The following CGNL1 variants were observed in gnomAD, a reference collection of about 807,000 sequenced individuals.
The protein encoded by CGNL1 is cingulin-like protein 1.
CGNL1 carries 132 observed loss-of-function variants against 141.2 expected under a neutral mutation model. The ratio of observed to expected loss-of-function variants is 0.93; its 90% CI spans 0.81 to 1.08. The LOEUF is 1.08. CGNL1 is among the 50% of genes least tolerant of loss of function. The pLI, the probability that CGNL1 is intolerant of heterozygous loss-of-function variation, is 0.00. For synonymous variants in CGNL1, 690 were observed against 622.1 expected (o/e 1.11, Z -1.63); for missense variants, 1,870 against 1,588.6 (o/e 1.18, Z -3.01).
intron 8 of CGNL1, among the ~76,000 whole-genome samples, chr15:57,478,673 C>G (rs1363655574): frequency 5.9e-5 from 9 of 152,194 alleles, no homozygotes; most frequent in African/African-American, 1.9e-4. Flanking sequence ...GAGTCTCGCA[C>G]TGTCACCCAG....
intron 7 of CGNL1, among the ~76,000 whole-genome samples, chr15:57,458,178 G>A (rs1438770681): frequency 2.0e-5 from 3 of 152,110 alleles, no homozygotes; most frequent in Admixed American, 6.5e-5. Context: ...TCTAGCTCTC[G>A]CCACTCCCAG....
At chr15:57,457,041 C>T (rs187828040) in intron 7 of CGNL1, among the ~76,000 whole-genome samples, 146 of 152,172 alleles carry the variant, frequency 9.6e-4, no homozygotes, top group African/African-American at 3.3e-3. Flanking sequence ...TCTCACCAGC[C>T]GTGTGATGCT....
At chr15:57,546,459 C>G (rs2032873837) in intron 18 of CGNL1, among the ~76,000 whole-genome samples, 2 of 152,214 alleles carry the variant, frequency 1.3e-5, no homozygotes, top group South Asian at 4.1e-4. Flanking sequence ...TGCCCCAATG[C>G]CAGCTGAGCT....
chr15:57,439,080 G>C lies in CGNL1; in HGVS notation c.1081G>C (p.Asp361His), dbSNP rs2063148364. The change falls in exon 2 of 19, where the codon GAT becomes CAT. Residue 361 changes from aspartate to histidine, a missense_variant. Coordinates refer to ENST00000281282, the MANE Select transcript of CGNL1 (RefSeq NM_032866.5). ...PGVDQLIEKF[D>H]QKPGLQRRGR... ...TGTGGATCAGTTAATTGAAAAATTT[G>C]ATCAAAAACCTGGGCTTCAGAGAAG... 5 of 1,613,774 alleles carry C rather than the reference G, an allele frequency of 3.1e-6. No individual in the cohort carries two copies. Among genetic ancestry groups the C allele is most frequent in the Non-Finnish European group, 4.2e-6 (5 of 1,179,914 alleles).
At chr15:57,401,479 C>T (rs865876335) in intron 1 of CGNL1, among the ~76,000 whole-genome samples, 8 of 152,096 alleles carry the variant, frequency 5.3e-5, no homozygotes, top group African/African-American at 9.7e-5. Flanking sequence ...TGCTGGTGCC[C>T]GAGTTCTAGC....
At position 57,510,402 on chromosome 15, in the gene CGNL1, C is replaced by T. The variant is rs191216841; in HGVS notation, c.2404-6378C>T. Among the ~76,000 whole-genome samples, 940 of 152,318 alleles carry T rather than the reference C, an allele frequency of 6.2e-3. 3 individuals are homozygous for T. Among genetic ancestry groups the T allele is most frequent in the Non-Finnish European group, 0.01 (682 of 68,034 alleles). On this transcript the variant is annotated intron_variant, in intron 8 of 18. Transcript: ENST00000281282. ...GATCTGGCTGACTTCAGAGCCTTTG[C>T]TGTTTCCTCTAAACAGACAGAGAAG... is the stretch of plus-strand genomic sequence containing the variant.
intron 8 of CGNL1, among the ~76,000 whole-genome samples, chr15:57,508,912 G>C (rs140891994): frequency 3.5e-4 from 54 of 152,322 alleles, no homozygotes; most frequent in South Asian, 6.2e-4. Flanking sequence ...CCCAAGATTA[G>C]AGACCTTATG....
rs1255653970 is a variant in CGNL1, at chr15:57,549,915, C to T, written c.*2425C>T. The T allele has an allele frequency of 2.0e-5, 3 of 152,158 alleles. No individual in the cohort carries two copies. Among genetic ancestry groups the T allele is most frequent in the Non-Finnish European group, 4.4e-5 (3 of 68,032 alleles). 9.4% of individuals were successfully genotyped at this position (152,158 alleles called of 1,614,324 possible). A position where few individuals can be genotyped will look rare whatever the true frequency, so the allele number is the denominator to read the frequency against. Reference sequence around the variant, plus strand: ...AAGCCTGCTGAGAGAAGCCTCAGCCCACTCATACCTAGAGACGCTGCTGGG... The same window carrying T: ...AAGCCTGCTGAGAGAAGCCTCAGCCTACTCATACCTAGAGACGCTGCTGGG... On this transcript the variant is annotated 3_prime_UTR_variant, in exon 19 of 19. Coordinates refer to ENST00000281282, the MANE Select transcript of CGNL1 (RefSeq NM_032866.5).
chr15:57,517,269 A>G (rs1567165293), intron 9 of CGNL1, among the ~76,000 whole-genome samples: 1 of 152,226 alleles, frequency 6.6e-6, no homozygotes, highest in Non-Finnish European at 1.5e-5. Flanking sequence ...CCATGGCTTC[A>G]CACAGGCATC....
intron 4 of CGNL1, among the ~76,000 whole-genome samples, chr15:57,445,896 T>A (rs2063245036): frequency 6.6e-6 from 1 of 152,228 alleles, no homozygotes; most frequent in South Asian, 2.1e-4. Context: ...CCATTAATAT[T>A]CATACTCAGA....
At chr15:57,535,323 G>C (rs554704873) in intron 14 of CGNL1, among the ~76,000 whole-genome samples, 69 of 152,292 alleles carry the variant, frequency 4.5e-4, no homozygotes, top group African/African-American at 1.6e-3. Context: ...TGAGGAGATG[G>C]GTCAGACCTA....
At chr15:57,544,341 A>C in intron 15 of CGNL1, 132 bp from the exon 16 acceptor site, 1 of 1,099,706 alleles carries the variant, frequency 9.1e-7, no homozygotes, top group South Asian at 1.6e-5. Context: ...TCTCCAGGCC[A>C]CAGGCCCTGG....
intron 1 of CGNL1, among the ~76,000 whole-genome samples, chr15:57,412,970 C>T (rs559327952): frequency 1.3e-5 from 2 of 152,114 alleles, no homozygotes; most frequent in Admixed American, 6.5e-5. Flanking sequence ...AGGGATTTCT[C>T]CTGCCTCAGC....
chr15:57,459,097 T>A (rs2063415147), intron 7 of CGNL1, among the ~76,000 whole-genome samples: 1 of 152,212 alleles, frequency 6.6e-6, no homozygotes, highest in Non-Finnish European at 1.5e-5. Flanking sequence ...TAGCTTATCA[T>A]CTCTGAAGCC....
Position 57,531,723 on chromosome 15 carries a change from G to A in CGNL1, c.3235G>A (p.Glu1079Lys). 1 of 1,613,284 alleles carries A rather than the reference G, an allele frequency of 6.2e-7. No homozygotes were observed. The highest frequency in any genetic ancestry group is 2.2e-5 in the East Asian group (1 of 44,858). The change falls in exon 14 of 19, where the codon GAA (glutamate) becomes AAA (lysine). Residue 1079 changes from glutamate to lysine, a missense_variant. Transcript: ENST00000281282. ...GTCTCAACTGGAGATGGAACTGGAA[G>A]AAGAGAGAAACAACTCAGATTTGCT... ...KVSQLEMELE[E>K]ERNNSDLLSE...
intron 8 of CGNL1, among the ~76,000 whole-genome samples, chr15:57,467,686 C>CTTT (rs140789370): frequency 3.7e-4 from 40 of 107,418 alleles, no homozygotes; most frequent in East Asian, 8.6e-4. Context: ...GAGTCTCTGT[C>CTTT]TTTTTTTTTT....
chr15:57,431,721 GT>G (rs200713290), intron 1 of CGNL1, among the ~76,000 whole-genome samples: 3 of 124,030 alleles, frequency 2.4e-5, no homozygotes, highest in South Asian at 2.9e-4. Flanking sequence ...AACATTTTGA[GT>G]TTTTTTTGTA....
chr15:57,383,619 TTC>T (rs2062450245), intron 1 of CGNL1, among the ~76,000 whole-genome samples: 1 of 79,590 alleles, frequency 1.3e-5, no homozygotes, highest in African/African-American at 5.9e-5. Flanking sequence ...TTCTTTTCTT[TTC>T]TTTTCTTTTC....
rs1275611137 is a variant in CGNL1 at position 57,483,734 on chromosome 15, G to A, written c.2403+21842G>A. On this transcript the variant is annotated intron_variant, in intron 8 of 18. Transcript: ENST00000281282. ...TCAGTTTCTTACTATTAAATATAAT[G>A]TTAATTATAGATCTTTTGTGAATTG... Among the ~76,000 whole-genome samples, 3 of 152,034 alleles carry A rather than the reference G, an allele frequency of 2.0e-5. 1 individual carries two copies. The East Asian group carries it at 5.8e-4, about 29-fold the overall frequency.
Sources: allele counts gnomAD v4.1 joint callset (sites outside exome capture counted in the v4.1 genomes callset), GRCh38; gene constraint gnomAD v4.1.1; transcripts MANE v1.5; gene names NCBI Gene and HGNC (gene_info 2026-07-23, HGNC 2026-07-21).